Variants in PTPRT observed in about 807,000 individuals in gnomAD.
PTPRT encodes protein tyrosine phosphatase receptor type T, also known as receptor-type tyrosine-protein phosphatase T.
A neutral mutation model predicts 176.8 loss-of-function variants in PTPRT; 56 were observed. The observed-to-expected ratio is 0.32, with a 90% CI of 0.26 to 0.40. The LOEUF (loss-of-function observed/expected upper bound fraction) is 0.40. PTPRT is among the 10% of genes least tolerant of loss of function. The probability of loss-of-function intolerance (pLI) is 1.00; values close to 1 mark genes in which losing one functional copy is unlikely to be tolerated. For missense variants in PTPRT, 1,540 were observed against 1,908.2 expected (o/e 0.81, Z 3.60); for synonymous variants, 783 against 739.0 (o/e 1.06, Z -0.96).
At chr20:42,040,252 A>T in the PTPRT span, among the ~76,000 whole-genome samples, 1 of 152,144 alleles carries the variant, frequency 6.6e-6, no homozygotes, top group South Asian at 2.1e-4. Context: ...AGCCATGGAG[A>T]CAGGAGAAAC....
intron 1 of PTPRT, among the ~76,000 whole-genome samples, chr20:43,065,337 G>A (rs1337476938): frequency 6.6e-6 from 1 of 152,178 alleles, no homozygotes; most frequent in African/African-American, 2.4e-5. Context: ...ATGTAGTAAG[G>A]ATTTACAAGA....
At chr20:43,090,707 G>T (rs2011806945) in intron 1 of PTPRT, among the ~76,000 whole-genome samples, 1 of 152,022 alleles carries the variant, frequency 6.6e-6, no homozygotes, top group Non-Finnish European at 1.5e-5. Context: ...AAATTTCCTA[G>T]AATATAGAGC....
intron 18 of PTPRT, among the ~76,000 whole-genome samples, chr20:42,141,265 T>C (rs1988611969): frequency 6.6e-6 from 1 of 152,220 alleles, no homozygotes; most frequent in Non-Finnish European, 1.5e-5. Flanking sequence ...CCCTAAACTC[T>C]GTCTCTCATA....
intron 1 of PTPRT, among the ~76,000 whole-genome samples, chr20:43,033,112 T>A (rs185540979): frequency 4.6e-5 from 7 of 152,364 alleles, no homozygotes; most frequent in African/African-American, 1.7e-4. Context: ...CTTTTTTGGA[T>A]ACATCTTTTA....
chr20:43,128,353 T>A (rs1273022594), intron 1 of PTPRT, among the ~76,000 whole-genome samples: 1 of 152,232 alleles, frequency 6.6e-6, no homozygotes, highest in African/African-American at 2.4e-5. Flanking sequence ...CTGCACTCAG[T>A]CTTGTCTTGG....
intron 1 of PTPRT, among the ~76,000 whole-genome samples, chr20:43,095,170 T>C (rs1265499126): frequency 6.6e-6 from 1 of 152,088 alleles, no homozygotes; most frequent in Non-Finnish European, 1.5e-5. Context: ...CCCATTTCCA[T>C]CTGGGAGCTG....
At chr20:42,776,494 T>G (rs1409406190) in intron 4 of PTPRT, among the ~76,000 whole-genome samples, 2 of 152,076 alleles carry the variant, frequency 1.3e-5, no homozygotes, top group Non-Finnish European at 2.9e-5. Flanking sequence ...ATGTGAAGCC[T>G]CAGCAAGAAG....
intron 1 of PTPRT, among the ~76,000 whole-genome samples, chr20:42,945,781 T>G (rs1394601080): frequency 6.6e-6 from 1 of 152,084 alleles, no homozygotes; most frequent in Non-Finnish European, 1.5e-5. Flanking sequence ...TGGCATTTGG[T>G]ACATTCACAA....
the PTPRT span, among the ~76,000 whole-genome samples, chr20:42,058,145 T>C: frequency 2.2e-4 from 34 of 152,240 alleles, no homozygotes; most frequent in African/African-American, 7.7e-4. Context: ...CATCAGGTAC[T>C]AATGAGATGA....
At chr20:42,678,267 A>T (rs933121612) in intron 6 of PTPRT, 108 bp from the exon 7 acceptor site, 4 of 1,047,696 alleles carry the variant, frequency 3.8e-6, no homozygotes, top group Non-Finnish European at 5.3e-6. Context: ...CACAAAAAAA[A>T]TAGTCAGAAA....
chr20:42,663,031 A>G (rs1019023247), intron 7 of PTPRT, among the ~76,000 whole-genome samples: 5 of 152,046 alleles, frequency 3.3e-5, no homozygotes, highest in Admixed American at 3.3e-4. Flanking sequence ...TATATACATA[A>G]TATACAGACA....
At chr20:42,998,266 C>T (rs922010998) in intron 1 of PTPRT, among the ~76,000 whole-genome samples, 1 of 152,138 alleles carries the variant, frequency 6.6e-6, no homozygotes, top group South Asian at 2.1e-4. Context: ...ATTCCAGCAC[C>T]TACGTATTCA....
chr20:42,346,005 G>C (rs556560999), intron 11 of PTPRT, among the ~76,000 whole-genome samples: 1 of 152,210 alleles, frequency 6.6e-6, no homozygotes, highest in East Asian at 1.9e-4. Context: ...GCTTCCAAAG[G>C]ATCACTCCAG....
At chr20:42,930,176 C>T (rs1009713919) in intron 1 of PTPRT, among the ~76,000 whole-genome samples, 1 of 152,188 alleles carries the variant, frequency 6.6e-6, no homozygotes, top group Non-Finnish European at 1.5e-5. Flanking sequence ...ATGAGCCCTG[C>T]TTTGGAAGCA....
intron 7 of PTPRT, among the ~76,000 whole-genome samples, chr20:42,667,186 C>T (rs1375236804): frequency 1.3e-5 from 2 of 152,122 alleles, no homozygotes; most frequent in Non-Finnish European, 1.5e-5. Context: ...GTGCATTATG[C>T]ATTGATAATG....
At chr20:42,274,618 T>C (rs1207131234) in intron 13 of PTPRT, among the ~76,000 whole-genome samples, 1 of 145,562 alleles carries the variant, frequency 6.9e-6, no homozygotes, top group Non-Finnish European at 1.5e-5. Context: ...GAGCTCAGAA[T>C]GCTGAATGTC....
intron 12 of PTPRT, among the ~76,000 whole-genome samples, chr20:42,285,064 A>G (rs934200699): frequency 1.3e-5 from 2 of 151,966 alleles, no homozygotes; most frequent in Non-Finnish European, 2.9e-5. Flanking sequence ...AATCTTGCAT[A>G]TGACAATTAA....
chr20:42,688,659 T>C (rs2075741404), intron 6 of PTPRT: 1 of 152,194 alleles, frequency 6.6e-6, no homozygotes, highest in South Asian at 2.1e-4. Context: ...AAGGTACAAA[T>C]TGCCCAAGGT....
intron 9 of PTPRT, among the ~76,000 whole-genome samples, chr20:42,379,540 AC>A: frequency 6.6e-6 from 1 of 152,274 alleles, no homozygotes; most frequent in Non-Finnish European, 1.5e-5. Flanking sequence ...TCCTAGAGGC[AC>A]CTGAGCCTGT....
Sources: gnomAD v4.1 joint callset for allele counts (sites outside exome capture counted in the v4.1 genomes callset) on GRCh38, gnomAD v4.1.1 for gene constraint, MANE v1.5 for transcripts, NCBI Gene and HGNC (gene_info 2026-07-23, HGNC 2026-07-21) for gene names.